The following MIPEP variants were observed in gnomAD, a reference collection of about 807,000 sequenced individuals.
MIPEP encodes the protein mitochondrial intermediate peptidase.
MIPEP carries 79 observed loss-of-function variants against 90.3 expected under a neutral mutation model. That is an observed-to-expected ratio of 0.87 (90% CI 0.73 to 1.05). MIPEP has a LOEUF of 1.05. MIPEP is among the 50% of genes least tolerant of loss of function. MIPEP has a pLI of 0.00. For missense variants in MIPEP, 940 were observed against 905.6 expected (o/e 1.04, Z -0.49); for synonymous variants, 334 against 315.8 (o/e 1.06, Z -0.61).
chr13:23,880,485 T>A (rs1218976416), intron 3 of MIPEP, among the ~76,000 whole-genome samples: 1 of 152,252 alleles, frequency 6.6e-6, no homozygotes, highest in African/African-American at 2.4e-5. Context: ...TACTTCAGTC[T>A]GTATTTGTCC....
At chr13:23,780,110 T>C (rs533379858) in intron 16 of MIPEP, among the ~76,000 whole-genome samples, 81 of 152,310 alleles carry the variant, frequency 5.3e-4, no homozygotes, top group African/African-American at 1.9e-3. Flanking sequence ...AGAGTAGTGG[T>C]TCTCCCAGCA....
chr13:23,782,858 GAAATGGAT>G (rs1952795026), intron 16 of MIPEP, among the ~76,000 whole-genome samples: 1 of 152,200 alleles, frequency 6.6e-6, no homozygotes. Context: ...AAATCTAGAA[GAAATGGAT>G]AAATTCCTTG....
chr13:23,813,763 C>G (rs1379647961), intron 14 of MIPEP, among the ~76,000 whole-genome samples: 1 of 152,148 alleles, frequency 6.6e-6, no homozygotes, highest in Non-Finnish European at 1.5e-5. Flanking sequence ...CCGTGTCCAG[C>G]CCCCAAATAA....
Position 23,753,152 on chromosome 13 carries a change from CAGGAGGTGG to C in MIPEP, c.2044+3384_2044+3392del, listed in dbSNP as rs1035392686. Among the ~76,000 whole-genome samples, 962 of 150,842 alleles carry C rather than the reference CAGGAGGTGG, an allele frequency of 6.4e-3. 10 individuals are homozygous for C. The highest frequency in any genetic ancestry group is 0.022 in the African/African-American group (911 of 41,104). On this transcript the variant is annotated intron_variant, in intron 18 of 18. Transcript: ENST00000382172. ...CTGAGGCAGGAGAAGTGCATAAACC[CAGGAGGTGG>C]AGGTTGCAGTGAGGGGAGATCGTGC... is the stretch of plus-strand genomic sequence containing the variant.
At chr13:23,858,801 T>C in intron 10 of MIPEP, 59 bp downstream of exon 10, 1 of 1,465,674 alleles carries the variant, frequency 6.8e-7, no homozygotes, top group Non-Finnish European at 9.6e-7. Context: ...CAGTAGCTGC[T>C]GAATAAACAT....
chr13:23,884,225 G>A (rs1330745073), intron 2 of MIPEP, among the ~76,000 whole-genome samples: 1 of 150,370 alleles, frequency 6.7e-6, no homozygotes, highest in Non-Finnish European at 1.5e-5. Flanking sequence ...TGGGGAGGGG[G>A]GGGTGTGACT....
At chr13:23,876,343 A>G (rs1296500387) in intron 4 of MIPEP, among the ~76,000 whole-genome samples, 1 of 152,136 alleles carries the variant, frequency 6.6e-6, no homozygotes, top group Non-Finnish European at 1.5e-5. Context: ...CTTACATCTC[A>G]TATGATTCTT....
chr13:23,877,333 C>A (rs190314750), intron 4 of MIPEP, among the ~76,000 whole-genome samples: 1 of 152,120 alleles, frequency 6.6e-6, no homozygotes, highest in Non-Finnish European at 1.5e-5. Flanking sequence ...GTGTATGTTG[C>A]GGTTCTGCAC....
chr13:23,810,853 A>G (rs903831188), intron 14 of MIPEP, among the ~76,000 whole-genome samples: 1 of 152,254 alleles, frequency 6.6e-6, no homozygotes, highest in Non-Finnish European at 1.5e-5. Flanking sequence ...CTGCTAGGAA[A>G]CGGCTTCTTA....
intron 9 of MIPEP, among the ~76,000 whole-genome samples, chr13:23,861,626 G>C (rs970183497): frequency 6.6e-6 from 1 of 152,102 alleles, no homozygotes; most frequent in African/African-American, 2.4e-5. Context: ...ACTAAGTCAA[G>C]AACTAATAAC....
chr13:23,819,479 T>C (rs988045120), intron 14 of MIPEP, among the ~76,000 whole-genome samples: 1 of 152,212 alleles, frequency 6.6e-6, no homozygotes, highest in Non-Finnish European at 1.5e-5. Flanking sequence ...CATTCTACTT[T>C]GTAGAATAGA....
In MIPEP at chr13:23,770,509, G is replaced by C. The variant is rs147551681; in HGVS notation, c.1849-10292C>G. On this transcript the variant is annotated intron_variant, in intron 16 of 18. Coordinates refer to ENST00000382172, the MANE Select transcript of MIPEP (RefSeq NM_005932.4). ...TTTCACTGCTGTCCCCCTGCCCCCA[G>C]GCAGCTGGGACCTCAGCATCGAAGT... Among the ~76,000 whole-genome samples the C allele has an allele frequency of 3.0e-3, 462 of 152,260 alleles. 3 individuals carry two copies. Among genetic ancestry groups the C allele is most frequent in the African/African-American group, 9.9e-3 (411 of 41,536 alleles).
rs767489584 is a variant in MIPEP at position 23,869,452 on chromosome 13, C to T, written c.787-4G>A. On this transcript the variant is annotated splice_region_variant and splice_polypyrimidine_tract_variant and intron_variant, in intron 6 of 18. Coordinates refer to ENST00000382172, the MANE Select transcript of MIPEP (RefSeq NM_005932.4). ...TTTTATAAGCAGCTTCTCGCACCTA[C>T]GTTTAAAAAGTAAATGGTGAAGGCT... is the stretch of plus-strand genomic sequence containing the variant. The T allele has an allele frequency of 1.4e-5, 23 of 1,598,810 alleles. No individual in the cohort carries two copies. Among genetic ancestry groups the T allele is most frequent in the South Asian group, 1.0e-4 (9 of 87,886 alleles).
chr13:23,821,559 C>T (rs1658554095), intron 14 of MIPEP, among the ~76,000 whole-genome samples: 1 of 152,128 alleles, frequency 6.6e-6, no homozygotes, highest in South Asian at 2.1e-4. Flanking sequence ...CCACCCTGTG[C>T]AAGGCATCCT....
At chr13:23,814,929 T>C (rs185441179) in intron 14 of MIPEP, among the ~76,000 whole-genome samples, 9 of 152,338 alleles carry the variant, frequency 5.9e-5, no homozygotes, top group Admixed American at 4.6e-4. Context: ...ACTGTGCTAC[T>C]TACCAGCTAA....
chr13:23,835,084 A>T (rs1868974992), intron 14 of MIPEP, among the ~76,000 whole-genome samples: 2 of 148,370 alleles, frequency 1.3e-5, no homozygotes. Context: ...GCAGTGGCGC[A>T]ATGTCGGCTC....
At chr13:23,827,597 A>G (rs939822924) in intron 14 of MIPEP, among the ~76,000 whole-genome samples, 3 of 152,256 alleles carry the variant, frequency 2.0e-5, no homozygotes, top group African/African-American at 7.2e-5. Flanking sequence ...TTAAGTGAAC[A>G]CCAGCAAATA....
At chr13:23,783,207 A>G (rs1162013591) in intron 16 of MIPEP, among the ~76,000 whole-genome samples, 3 of 152,214 alleles carry the variant, frequency 2.0e-5, no homozygotes, top group Non-Finnish European at 4.4e-5. Context: ...AAAATCCTCA[A>G]TACTGGCAAA....
At chr13:23,791,788 C>G (rs1199378249) in intron 16 of MIPEP, among the ~76,000 whole-genome samples, 1 of 152,168 alleles carries the variant, frequency 6.6e-6, no homozygotes, top group Non-Finnish European at 1.5e-5. Flanking sequence ...CAGGAAAACA[C>G]CAGAAGTGCC....
Sources: gnomAD v4.1 joint callset for allele counts (sites outside exome capture counted in the v4.1 genomes callset) on GRCh38, gnomAD v4.1.1 for gene constraint, MANE v1.5 for transcripts, NCBI Gene and HGNC (gene_info 2026-07-23, HGNC 2026-07-21) for gene names.